The following NCOA2 variants were observed in gnomAD, a reference collection of about 807,000 sequenced individuals.
NCOA2 encodes the protein nuclear receptor coactivator 2.
NCOA2 carries 21 observed loss-of-function variants against 145.1 expected under a neutral mutation model. That is an observed-to-expected ratio of 0.14 (90% CI 0.10 to 0.21). The LOEUF (loss-of-function observed/expected upper bound fraction) is 0.21, where lower values mean the gene tolerates loss of function less well. Among genes scored for constraint, NCOA2 ranks in the 10% least tolerant of loss-of-function variants. The pLI is 1.00. For synonymous variants in NCOA2, 619 were observed against 637.5 expected, an observed-to-expected ratio of 0.97 and a Z score of 0.44; for missense variants, 1,472 against 1,837.6, an observed-to-expected ratio of 0.80 and a Z score of 3.64.
chr8:70,160,472 C>T (rs1812810962), intron 9 of NCOA2, among the ~76,000 whole-genome samples: 1 of 151,952 alleles, frequency 6.6e-6, no homozygotes, highest in Admixed American at 6.5e-5. Flanking sequence ...CTTATATCAC[C>T]TATTAAAAAA....
chr8:70,208,172 A>G (rs1352672699), intron 4 of NCOA2, among the ~76,000 whole-genome samples: 1 of 152,198 alleles, frequency 6.6e-6, no homozygotes, highest in Non-Finnish European at 1.5e-5. Flanking sequence ...GTCTGGACAG[A>G]AGATCAAGCC....
intron 1 of NCOA2, among the ~76,000 whole-genome samples, chr8:70,368,275 G>A (rs188560288): frequency 2.0e-5 from 3 of 152,320 alleles, no homozygotes; most frequent in Non-Finnish European, 2.9e-5. Context: ...GAGACATCTG[G>A]CTGAAGTGCA....
At chr8:70,221,276 C>T (rs190074977) in intron 2 of NCOA2, among the ~76,000 whole-genome samples, 1 of 152,306 alleles carries the variant, frequency 6.6e-6, no homozygotes, top group East Asian at 1.9e-4. Context: ...AACTAAACTA[C>T]AGAAGGATAA....
rs1814608767 is a variant in NCOA2 at position 70,403,695 on chromosome 8, G to A, written c.-77+5C>T. On this transcript the variant is annotated splice_donor_5th_base_variant and intron_variant, in intron 1 of 22. Coordinates refer to ENST00000452400, the MANE Select transcript of NCOA2 (RefSeq NM_006540.4). ...CCTCGCGGCCCCGGGGGAAGGCGCG[G>A]TTACCGGCTCGGGTCGGTCACGCCG... 5.1e-6 allele frequency: 2 copies of A among 392,762 alleles called. No homozygotes were observed. The highest frequency in any genetic ancestry group is 9.0e-6 in the Non-Finnish European group (2 of 222,208). The allele number at this position is 392,762 out of a possible 1,614,324, so 24.3% of individuals were successfully genotyped here.
intron 1 of NCOA2, among the ~76,000 whole-genome samples, chr8:70,356,548 T>A (rs1332424346): frequency 6.6e-6 from 1 of 152,206 alleles, no homozygotes; most frequent in African/African-American, 2.4e-5. Context: ...CTACATATTT[T>A]AATTCTAACG....
the NCOA2 span, among the ~76,000 whole-genome samples, chr8:70,452,185 A>G: frequency 5.3e-5 from 8 of 152,206 alleles, no homozygotes; most frequent in Non-Finnish European, 1.0e-4. Flanking sequence ...CATGTTGCCC[A>G]GGCTGGTCTC....
intron 2 of NCOA2, among the ~76,000 whole-genome samples, chr8:70,288,787 C>T (rs1267516140): frequency 6.6e-6 from 1 of 152,176 alleles, no homozygotes; most frequent in Non-Finnish European, 1.5e-5. Context: ...TTGAACCTGA[C>T]TTTGATACGC....
At chr8:70,154,525 C>T (rs1194442108) in intron 11 of NCOA2, among the ~76,000 whole-genome samples, 1 of 152,214 alleles carries the variant, frequency 6.6e-6, no homozygotes, top group Non-Finnish European at 1.5e-5. Flanking sequence ...CAGCCTCAGC[C>T]TCCTGAGTAG....
At chr8:70,177,835 GA>G (rs1815040358) in intron 4 of NCOA2, among the ~76,000 whole-genome samples, 1 of 152,110 alleles carries the variant, frequency 6.6e-6, no homozygotes, top group African/African-American at 2.4e-5. Context: ...CTGATCACTA[GA>G]AAACATCAGC....
chr8:70,162,184 AT>A (rs758347920), intron 9 of NCOA2, among the ~76,000 whole-genome samples: 1 of 152,182 alleles, frequency 6.6e-6, no homozygotes, highest in East Asian at 1.9e-4. Flanking sequence ...GGCTGCTGTT[AT>A]TACTGAAGTC....
chr8:70,448,024 T>G, the NCOA2 span, among the ~76,000 whole-genome samples: 1 of 152,208 alleles, frequency 6.6e-6, no homozygotes, highest in Admixed American at 6.5e-5. Flanking sequence ...TTTGACAATC[T>G]TTGATATTCT....
intron 1 of NCOA2, among the ~76,000 whole-genome samples, chr8:70,366,972 T>C (rs189900495): frequency 9.2e-5 from 14 of 152,284 alleles, no homozygotes; most frequent in Non-Finnish European, 1.9e-4. Flanking sequence ...TACAGAATAA[T>C]AGTGGCCAAT....
intron 2 of NCOA2, among the ~76,000 whole-genome samples, chr8:70,219,963 A>T (rs1820001829): frequency 6.6e-6 from 1 of 152,148 alleles, no homozygotes; most frequent in Admixed American, 6.5e-5. Flanking sequence ...CCAGAGAGAG[A>T]TAGATAAGTT....
intron 1 of NCOA2, among the ~76,000 whole-genome samples, chr8:70,399,642 G>A (rs1586688406): frequency 6.6e-6 from 1 of 152,128 alleles, no homozygotes; most frequent in Non-Finnish European, 1.5e-5. Flanking sequence ...TTCTTAAATA[G>A]CAGTTTTTTC....
upstream of NCOA2, among the ~76,000 whole-genome samples, chr8:70,406,816 TATACTATTTTTGAGTTA>T (rs1298711056): frequency 6.6e-6 from 1 of 152,210 alleles, no homozygotes; most frequent in Non-Finnish European, 1.5e-5. Flanking sequence ...TGGGAGATTC[TATACTATTTTTGAGTTA>T]ATACTACTAG....
At chr8:70,396,869 A>G (rs1043030763) in intron 1 of NCOA2, among the ~76,000 whole-genome samples, 1 of 152,238 alleles carries the variant, frequency 6.6e-6, no homozygotes, top group African/African-American at 2.4e-5. Flanking sequence ...CCTAAAAGAA[A>G]GACTTTTTCA....
intron 4 of NCOA2, among the ~76,000 whole-genome samples, chr8:70,178,311 C>CA (rs1472322269): frequency 1.6e-4 from 24 of 152,146 alleles, no homozygotes. Context: ...ATTTGGATCT[C>CA]ACAAAACATG....
intron 15 of NCOA2, among the ~76,000 whole-genome samples, chr8:70,137,617 C>A (rs141311258): frequency 3.9e-5 from 6 of 152,342 alleles, no homozygotes; most frequent in South Asian, 2.1e-4. Flanking sequence ...CTGTGAGAAA[C>A]CACCACCTCC....
At chr8:70,449,038 T>G in the NCOA2 span, among the ~76,000 whole-genome samples, 2 of 152,172 alleles carry the variant, frequency 1.3e-5, no homozygotes, top group African/African-American at 2.4e-5. Context: ...ACTCCTGGCC[T>G]TAAGCAATCC....
Sources: allele counts gnomAD v4.1 joint callset (sites outside exome capture counted in the v4.1 genomes callset), GRCh38; gene constraint gnomAD v4.1.1; transcripts MANE v1.5; gene names NCBI Gene and HGNC (gene_info 2026-07-23, HGNC 2026-07-21).